The following LYZL2 variants were observed in gnomAD, a reference collection of about 807,000 sequenced individuals.
LYZL2 encodes lysozyme like 2.
LYZL2 carries 13 observed loss-of-function variants against 17.1 expected under a neutral mutation model. The observed-to-expected ratio is 0.76, with a 90% CI of 0.49 to 1.21. The LOEUF (loss-of-function observed/expected upper bound fraction) is 1.21, where lower values mean the gene tolerates loss of function less well. Among genes scored for constraint, LYZL2 ranks in the 50% most tolerant of loss-of-function variants. The pLI is 0.00. For synonymous variants in LYZL2, 63 were observed against 74.4 expected (o/e 0.85, Z 0.79); for missense variants, 166 against 189.2 (o/e 0.88, Z 0.72).
intron 3 of LYZL2, among the ~76,000 whole-genome samples, chr10:30,625,629 A>T (rs1838689548): frequency 6.6e-6 from 1 of 152,188 alleles, no homozygotes; most frequent in Non-Finnish European, 1.5e-5. Flanking sequence ...GACTGCAATG[A>T]GCTATGAACG....
At chr10:30,612,136 G>C (rs1006179719) in intron 4 of LYZL2, 112 bp from the exon 5 acceptor site, 1 of 1,301,126 alleles carries the variant, frequency 7.7e-7, no homozygotes, top group African/African-American at 1.5e-5. Context: ...CCTGGGTTGG[G>C]TTTCATTTGC....
downstream of LYZL2, among the ~76,000 whole-genome samples, chr10:30,611,554 GGAAGGAAGGAAGGAAGGAAAGAAAGAAA>G (rs1285199302): frequency 4.7e-5 from 4 of 85,442 alleles, no homozygotes; most frequent in Admixed American, 1.3e-4. Flanking sequence ...AAGGAAGGAA[GGAAGGAAGGAAGGAAGGAAAGAAAGAAA>G]GAAAGAAAGA....
chr10:30,612,324 C>T (rs1838458866), intron 4 of LYZL2, among the ~76,000 whole-genome samples: 1 of 152,186 alleles, frequency 6.6e-6, no homozygotes, highest in Non-Finnish European at 1.5e-5. Flanking sequence ...TGGCAATGTT[C>T]ACCAGAACAC....
At chr10:30,613,223 G>A (rs1426420686) in intron 3 of LYZL2, among the ~76,000 whole-genome samples, 1 of 152,198 alleles carries the variant, frequency 6.6e-6, no homozygotes, top group Non-Finnish European at 1.5e-5. Context: ...CACAGGCCGG[G>A]CGTGGTGGCT....
intron 1 of LYZL2, among the ~76,000 whole-genome samples, chr10:30,628,900 A>G (rs1347728900): frequency 1.3e-5 from 2 of 152,264 alleles, no homozygotes; most frequent in African/African-American, 4.8e-5. Context: ...TTATTGAAAC[A>G]TAGCTACTCT....
At chr10:30,617,694 A>AG (rs984143297) in intron 3 of LYZL2, among the ~76,000 whole-genome samples, 13 of 137,568 alleles carry the variant, frequency 9.4e-5, no homozygotes, top group South Asian at 2.5e-4. Flanking sequence ...AAAAAAAAAA[A>AG]AAAAGAAAAG....
At chr10:30,613,499 G>GAAGA (rs1838479682) in intron 3 of LYZL2, among the ~76,000 whole-genome samples, 1 of 125,724 alleles carries the variant, frequency 8.0e-6, no homozygotes, top group African/African-American at 2.9e-5. Flanking sequence ...TCTGTCTTAA[G>GAAGA]AAAAAAAAAA....
rs1133373 is a variant in LYZL2 at position 30,612,006 on chromosome 10, G to A, written c.396C>T (p.His132=). 6.8e-4 allele frequency: 1,093 copies of A among 1,614,176 alleles called. 5 individuals carry two copies. The African/African-American group carries it at 0.011, about 17-fold the overall frequency. ...GMNYWQGWKK[H]CEGRDLSDWK... ...AGTCGGACAGGTCTCTCCCCTCACA[G>A]TGTTTCTTCCAGCCTTGCCTGAGGA... is the stretch of plus-strand genomic sequence containing the variant. Residue 132 remains histidine (H), a synonymous_variant, in exon 5 of 5, where the codon CAC becomes CAT. Coordinates refer to ENST00000647634, the MANE Select transcript of LYZL2 (RefSeq NM_183058.3).
At chr10:30,613,795 A>C (rs1838485987) in intron 3 of LYZL2, among the ~76,000 whole-genome samples, 2 of 152,192 alleles carry the variant, frequency 1.3e-5, no homozygotes, top group Non-Finnish European at 2.9e-5. Flanking sequence ...AGCTCACTGC[A>C]GCCTCAACCT....
chr10:30,617,674 C>CA (rs1165550893), intron 3 of LYZL2, among the ~76,000 whole-genome samples: 11,094 of 50,264 alleles, frequency 0.22, 2,538 homozygotes, highest in Non-Finnish European at 0.23. Flanking sequence ...GACTCTGTCT[C>CA]AAAAAAAAAA....
chr10:30,629,411 T>G (rs1341780544), intron 1 of LYZL2, among the ~76,000 whole-genome samples, 182 bp downstream of exon 1: 1 of 148,648 alleles, frequency 6.7e-6, no homozygotes, highest in African/African-American at 2.5e-5. Flanking sequence ...AAAAAAAAGA[T>G]GCAGAGCTTA....
At chr10:30,609,450 G>T (rs1838409083), downstream of LYZL2, among the ~76,000 whole-genome samples, 1 of 151,978 alleles carries the variant, frequency 6.6e-6, no homozygotes. Context: ...TGATATACTG[G>T]GTATAAAAGG....
downstream of LYZL2, among the ~76,000 whole-genome samples, chr10:30,608,941 G>A (rs1357543938): frequency 6.6e-6 from 1 of 152,074 alleles, no homozygotes; most frequent in African/African-American, 2.4e-5. Flanking sequence ...CTGGGCTCAA[G>A]CGACCCTCCC....
intron 3 of LYZL2, among the ~76,000 whole-genome samples, chr10:30,616,455 C>T (rs903455961): frequency 7.2e-5 from 11 of 152,296 alleles, no homozygotes; most frequent in East Asian, 5.8e-4. Flanking sequence ...GAGGCTGAGG[C>T]GGGCAGATCG....
At chr10:30,627,062 A>G (rs1838724862) in intron 1 of LYZL2, 122 bp from the exon 2 acceptor site, 1 of 1,414,338 alleles carries the variant, frequency 7.1e-7, no homozygotes, top group Non-Finnish European at 9.5e-7. Flanking sequence ...CAGTGCCACC[A>G]TCAGGGAAAA....
At chr10:30,609,543 G>A (rs191942778), downstream of LYZL2, among the ~76,000 whole-genome samples, 1 of 152,344 alleles carries the variant, frequency 6.6e-6, no homozygotes, top group East Asian at 1.9e-4. Flanking sequence ...AGAGCCAGAT[G>A]CTGGAGATAG....
intron 1 of LYZL2, among the ~76,000 whole-genome samples, chr10:30,627,147 C>T (rs1049134115): frequency 2.6e-5 from 4 of 152,152 alleles, no homozygotes; most frequent in Non-Finnish European, 4.4e-5. Context: ...CAGTAACTTT[C>T]AAGTCAATGC....
chr10:30,617,593 T>A (rs1838549936), intron 3 of LYZL2, among the ~76,000 whole-genome samples: 1 of 137,172 alleles, frequency 7.3e-6, no homozygotes, highest in Admixed American at 8.4e-5. Flanking sequence ...GAGAATTGCT[T>A]GAACCCTGGA....
chr10:30,611,575 GAAAGAAAGAAA>G (rs1564405893), downstream of LYZL2, among the ~76,000 whole-genome samples: 25 of 97,742 alleles, frequency 2.6e-4, no homozygotes, highest in East Asian at 6.2e-3. Context: ...AGGAAGGAAA[GAAAGAAAGAAA>G]GAAAGAAAGA....
Sources: allele counts gnomAD v4.1 joint callset (sites outside exome capture counted in the v4.1 genomes callset), GRCh38; gene constraint gnomAD v4.1.1; transcripts MANE v1.5; gene names NCBI Gene and HGNC (gene_info 2026-07-23, HGNC 2026-07-21).